SSH2: variants seen among roughly 807,000 people sequenced by gnomAD.
The protein encoded by SSH2 is slingshot protein phosphatase 2, also known as protein phosphatase Slingshot homolog 2.
In SSH2, 37 loss-of-function variants were observed where a neutral mutation model predicts 135.2. That is an observed-to-expected ratio of 0.27 (90% CI 0.21 to 0.36). The LOEUF (loss-of-function observed/expected upper bound fraction) is 0.36. SSH2 is among the 10% of genes least tolerant of loss of function. The pLI, the probability that SSH2 is intolerant of heterozygous loss-of-function variation, is 1.00. For synonymous variants in SSH2, 628 were observed against 646.2 expected (o/e 0.97, Z 0.43); for missense variants, 1,408 against 1,765.3 (o/e 0.80, Z 3.63).
Position 29,758,672 on chromosome 17 carries a change from C to T in SSH2, c.188+35222G>A, listed in dbSNP as rs573248124. On this transcript the variant is annotated intron_variant, in intron 3 of 15. Transcript: ENST00000540801. ...TAATTAGTAGGAAAAAAAATTTGGACTTGATTGACCAGAAAACATGATTTA... is the reference window on the plus strand; with the variant it reads ...TAATTAGTAGGAAAAAAAATTTGGATTTGATTGACCAGAAAACATGATTTA... Among the ~76,000 whole-genome samples the T allele has an allele frequency of 6.0e-4, 91 of 152,276 alleles. 2 individuals are homozygous for T. In the South Asian group the frequency reaches 0.018, roughly 30 times the overall value.
In SSH2 at chr17:29,860,618, G is replaced by C. The variant is rs143942647; in HGVS notation, c.64-11689C>G. Among the ~76,000 whole-genome samples the C allele has an allele frequency of 2.3e-4, 35 of 151,972 alleles. No homozygotes were observed. The East Asian group carries it at 6.0e-3, about 26-fold the overall frequency. ...AGCTAATTTTTGTATTTTTAGTATG[G>C]ACAAGGTTTCGCCATGTTGGCCAGG... is the stretch of plus-strand genomic sequence containing the variant. On this transcript the variant is annotated intron_variant, in intron 1 of 15. Transcript: ENST00000540801.
chr17:29,928,497 T>C (rs1306849525), intron 1 of SSH2: 1 of 398,464 alleles, frequency 2.5e-6, no homozygotes, highest in African/African-American at 2.1e-5. Context: ...CTCACTATTT[T>C]GCAAGGCAGT....
chr17:29,767,025 A>G (rs1011834836), intron 3 of SSH2, among the ~76,000 whole-genome samples: 3 of 152,252 alleles, frequency 2.0e-5, no homozygotes, highest in South Asian at 2.1e-4. Flanking sequence ...TTTTAAAAAA[A>G]GAATATCTGA....
At chr17:29,702,061 C>T (rs920064682) in intron 4 of SSH2, among the ~76,000 whole-genome samples, 3 of 151,770 alleles carry the variant, frequency 2.0e-5, no homozygotes, top group African/African-American at 7.3e-5. Context: ...CACTCAAAAC[C>T]TTAACTGAGG....
intron 1 of SSH2, among the ~76,000 whole-genome samples, chr17:29,874,283 T>A (rs543832352): frequency 1.5e-5 from 2 of 131,440 alleles, no homozygotes; most frequent in Non-Finnish European, 3.2e-5. Context: ...AGAGCAACAC[T>A]CTGTCTCAAA....
At chr17:29,647,435 C>T (rs2036421013) in intron 14 of SSH2, among the ~76,000 whole-genome samples, 1 of 151,414 alleles carries the variant, frequency 6.6e-6, no homozygotes, top group African/African-American at 2.4e-5. Context: ...CCTCGCATTA[C>T]CTTGAGAGTC....
chr17:29,766,430 T>G (rs897523178), intron 3 of SSH2, among the ~76,000 whole-genome samples: 4 of 151,436 alleles, frequency 2.6e-5, no homozygotes, highest in Non-Finnish European at 5.9e-5. Flanking sequence ...TGCACTCTAG[T>G]CGGGGCAACA....
chr17:29,913,349 TATATATATATATATATATA>T (rs1465558760), intron 1 of SSH2, among the ~76,000 whole-genome samples: 2 of 16,612 alleles, frequency 1.2e-4, no homozygotes, highest in Non-Finnish European at 2.1e-4. Flanking sequence ...AAAAAAAAAA[TATATATATATATATATATA>T]TATATATATA....
intron 2 of SSH2, among the ~76,000 whole-genome samples, chr17:29,799,855 A>G (rs1306166843): frequency 1.3e-5 from 2 of 152,204 alleles, no homozygotes; most frequent in African/African-American, 4.8e-5. Flanking sequence ...AAGGTCATAA[A>G]TGGTGGAGTC....
chr17:29,650,830 T>C, intron 12 of SSH2, 30 bp from the exon 13 acceptor site: 1 of 1,556,936 alleles, frequency 6.4e-7, no homozygotes, highest in Non-Finnish European at 8.7e-7. Context: ...GAATATGTGC[T>C]CTACTACTCA....
At chr17:29,688,086 C>T (rs1021853356) in intron 5 of SSH2, among the ~76,000 whole-genome samples, 59 of 151,804 alleles carry the variant, frequency 3.9e-4, no homozygotes, top group African/African-American at 1.4e-3. Flanking sequence ...TCTTGGCTCA[C>T]TGCAACCCCC....
chr17:29,669,850 T>G (rs117694772), intron 9 of SSH2, among the ~76,000 whole-genome samples: 2,708 of 152,068 alleles, frequency 0.018, 34 homozygotes, highest in Non-Finnish European at 0.027. Flanking sequence ...TCTTGTTTGT[T>G]GTGTAGTATC....
intron 3 of SSH2, among the ~76,000 whole-genome samples, chr17:29,730,253 T>A (rs2040134886): frequency 6.6e-6 from 1 of 150,378 alleles, no homozygotes; most frequent in Non-Finnish European, 1.5e-5. Flanking sequence ...ACCCAGGAGG[T>A]TGAAGCTGCA....
At chr17:29,675,551 T>A (rs980712124) in intron 8 of SSH2, among the ~76,000 whole-genome samples, 1 of 151,874 alleles carries the variant, frequency 6.6e-6, no homozygotes, top group Non-Finnish European at 1.5e-5. Flanking sequence ...CTCAGCACTT[T>A]GGGAGGCCAA....
chr17:29,639,375 G>A (rs1382617272), intron 14 of SSH2, among the ~76,000 whole-genome samples: 1 of 152,046 alleles, frequency 6.6e-6, no homozygotes, highest in Non-Finnish European at 1.5e-5. Flanking sequence ...AGCTGATGAG[G>A]AGTTACCAAA....
intron 3 of SSH2, among the ~76,000 whole-genome samples, chr17:29,766,397 G>T (rs538940675): frequency 6.6e-6 from 1 of 151,918 alleles, no homozygotes; most frequent in East Asian, 1.9e-4. Context: ...GGTGGAGGTT[G>T]CAGTGAGCTA....
chr17:29,913,317 C>CAAAAAAA (rs1207663146), intron 1 of SSH2, among the ~76,000 whole-genome samples: 1 of 3,430 alleles, frequency 2.9e-4, no homozygotes, highest in African/African-American at 7.4e-4. Context: ...GACGCCATCT[C>CAAAAAAA]AAAAAAAAAA....
In SSH2 at chr17:29,671,695, C is replaced by T. The variant is rs376464137; in HGVS notation, c.809+240G>A. On this transcript the variant is annotated intron_variant, in intron 9 of 15. Transcript: ENST00000540801. ...TGGAATCTGAATAATGAAATTTTAT[C>T]GTATTGAAGTTTTTGACTATGGAGA... Among the ~76,000 whole-genome samples, 35 of 152,286 alleles carry T rather than the reference C, an allele frequency of 2.3e-4. 1 individual carries two copies. The South Asian group carries it at 6.6e-3, about 29-fold the overall frequency.
chr17:29,796,801 T>C (rs2042163668), intron 2 of SSH2, among the ~76,000 whole-genome samples: 1 of 151,960 alleles, frequency 6.6e-6, no homozygotes, highest in African/African-American at 2.4e-5. Flanking sequence ...TTATAGTTTT[T>C]TCCTTTCTTT....
Sources: allele counts gnomAD v4.1 joint callset (sites outside exome capture counted in the v4.1 genomes callset), GRCh38; gene constraint gnomAD v4.1.1; transcripts MANE v1.5; gene names NCBI Gene and HGNC (gene_info 2026-07-23, HGNC 2026-07-21).